Variants in RTTN observed in about 807,000 individuals in gnomAD.
RTTN encodes rotatin.
RTTN carries 182 observed loss-of-function variants against 269.2 expected under a neutral mutation model. The observed-to-expected ratio is 0.68, with a 90% CI of 0.60 to 0.76. The LOEUF is 0.76. Among genes scored for constraint, RTTN ranks in the 30% least tolerant of loss-of-function variants. The pLI is 0.00. For missense variants in RTTN, 2,545 were observed against 2,608.6 expected (o/e 0.98, Z 0.53); for synonymous variants, 1,006 against 963.5 (o/e 1.04, Z -0.82).
intron 23 of RTTN, 107 bp downstream of exon 23, chr18:70,134,365 TA>T (rs1461287214): frequency 1.2e-6 from 1 of 834,932 alleles, no homozygotes; most frequent in Non-Finnish European, 1.9e-6. Context: ...AAGCCCAAGT[TA>T]TGGGATTTAA....
At chr18:70,101,694 G>A (rs1376017593) in intron 28 of RTTN, among the ~76,000 whole-genome samples, 3 of 152,128 alleles carry the variant, frequency 2.0e-5, no homozygotes, top group Non-Finnish European at 4.4e-5. Flanking sequence ...GATCTTTCCT[G>A]CTTTCTCCTG....
At chr18:70,175,194 C>T (rs2061260788) in intron 11 of RTTN, among the ~76,000 whole-genome samples, 2 of 150,912 alleles carry the variant, frequency 1.3e-5, no homozygotes, top group Admixed American at 1.3e-4. Flanking sequence ...TTTAAATGAA[C>T]ATTTTATTTT....
At chr18:70,199,615 C>A in intron 4 of RTTN, 111 bp from the exon 5 acceptor site, 1 of 693,692 alleles carries the variant, frequency 1.4e-6, no homozygotes, top group Non-Finnish European at 2.5e-6. Context: ...AAGGCTGCAT[C>A]TTACAGTAAC....
intron 40 of RTTN, among the ~76,000 whole-genome samples, chr18:70,035,436 A>G (rs1295387067): frequency 6.6e-6 from 1 of 152,220 alleles, no homozygotes; most frequent in African/African-American, 2.4e-5. Flanking sequence ...CCTTAGACAA[A>G]CCTGACAAAA....
rs756365545 is a variant in RTTN, at chr18:70,188,212, C to G, written c.1201G>C (p.Val401Leu). 1.9e-6 allele frequency: 3 copies of G among 1,588,552 alleles called. No individual in the cohort carries two copies. The South Asian group carries it at 3.3e-5, about 18-fold the overall frequency. ...AGCAATTCCAGAACTCTTATTATCA[C>G]TTGTCTGCTACCTAGGAATACAAAC... is the stretch of plus-strand genomic sequence containing the variant. ...VPLLRTGSRQVIIRVLELLTE... is the reference protein window; with the variant it reads ...VPLLRTGSRQLIIRVLELLTE... The change falls in exon 10 of 49, where the codon GTG (valine) becomes CTG (leucine). Residue 401 changes from valine (V) to leucine (L), a missense_variant. By Grantham distance (32) the Val-to-Leu change is conservative (BLOSUM62 1). Coordinates refer to ENST00000640769, the MANE Select transcript of RTTN (RefSeq NM_173630.4).
chr18:70,051,444 C>T lies in RTTN; in HGVS notation c.5290G>A (p.Val1764Met), dbSNP rs202231574. Reference sequence around the variant, plus strand: ...GCTGTCCAGTGCTTGGCCAGGGCCACGGTAACAAACGGGAGTGTGATGGCA... The same window carrying T: ...GCTGTCCAGTGCTTGGCCAGGGCCATGGTAACAAACGGGAGTGTGATGGCA... ...AGAITLPFVT[V>M]ALAKHWTAAI... Residue 1764 changes from valine (V) to methionine (M), a missense_variant, in exon 39 of 49, where the codon GTG (valine) becomes ATG (methionine). By Grantham distance (21) the Val-to-Met change is conservative. Transcript: ENST00000640769. The T allele has an allele frequency of 2.7e-5, 44 of 1,613,692 alleles. No homozygotes were observed. The highest frequency in any genetic ancestry group is 3.5e-5 in the Non-Finnish European group (41 of 1,179,868).
chr18:70,092,552 A>G, intron 29 of RTTN, 124 bp downstream of exon 29: 1 of 1,021,688 alleles, frequency 9.8e-7, no homozygotes, highest in Non-Finnish European at 1.4e-6. Context: ...CATTCACGTT[A>G]CCTAAAAAGA....
At chr18:70,100,715 G>C (rs2059137019) in intron 28 of RTTN, among the ~76,000 whole-genome samples, 1 of 152,174 alleles carries the variant, frequency 6.6e-6, no homozygotes, top group Admixed American at 6.5e-5. Context: ...CTGTGGGTCT[G>C]TCATAAATAG....
chr18:70,063,469 G>A (rs1349513736), intron 35 of RTTN, among the ~76,000 whole-genome samples: 1 of 152,160 alleles, frequency 6.6e-6, no homozygotes, highest in Non-Finnish European at 1.5e-5. Flanking sequence ...GGGAAACTGA[G>A]ACAGGAGGAT....
chr18:70,061,242 T>C (rs1420774340), intron 35 of RTTN: 4 of 403,376 alleles, frequency 9.9e-6, no homozygotes, highest in African/African-American at 4.1e-5. Flanking sequence ...TTTTAGACTT[T>C]AGAACAGTAA....
At chr18:70,194,557 T>G (rs533501826) in intron 7 of RTTN, 1 of 152,374 alleles carries the variant, frequency 6.6e-6, no homozygotes, top group African/African-American at 2.4e-5. Flanking sequence ...ACAACCCACA[T>G]GTCCATCGAC....
intron 23 of RTTN, 117 bp downstream of exon 23, chr18:70,134,356 A>G (rs1481397942): frequency 9.1e-6 from 7 of 770,116 alleles, no homozygotes; most frequent in Non-Finnish European, 1.3e-5. Context: ...GAACCATGAA[A>G]GCCCAAGTTA....
intron 22 of RTTN, among the ~76,000 whole-genome samples, chr18:70,134,925 A>C (rs778068067): frequency 6.6e-5 from 10 of 151,972 alleles, no homozygotes; most frequent in Non-Finnish European, 1.3e-4. Flanking sequence ...ATGTACTAAA[A>C]ATGTATTAAA....
At chr18:70,050,149 G>A (rs543465479) in intron 39 of RTTN, among the ~76,000 whole-genome samples, 55 of 152,164 alleles carry the variant, frequency 3.6e-4, no homozygotes, top group African/African-American at 1.3e-3. Flanking sequence ...CTACACAATG[G>A]GAGAAAATTT....
At chr18:70,121,866 G>A (rs2059746501) in intron 25 of RTTN, among the ~76,000 whole-genome samples, 166 bp from the exon 26 acceptor site, 2 of 152,144 alleles carry the variant, frequency 1.3e-5, no homozygotes, top group African/African-American at 4.8e-5. Context: ...CTGGGTATCT[G>A]CCTTCAAGAA....
chr18:70,089,603 T>C (rs561029178), intron 30 of RTTN, among the ~76,000 whole-genome samples: 10 of 152,224 alleles, frequency 6.6e-5, no homozygotes, highest in African/African-American at 2.4e-4. Flanking sequence ...TAGAAGAGTT[T>C]TGAGGTGGAT....
chr18:70,051,654 G>T lies in RTTN; in HGVS notation c.5186-106C>A, dbSNP rs996600454. The T allele has an allele frequency of 5.6e-6, 4 of 715,198 alleles. No homozygotes were observed. In the Admixed American group the frequency reaches 1.1e-4, roughly 19 times the overall value. The allele number at this position is 715,198 out of a possible 1,614,324, so 44.3% of individuals were successfully genotyped here. A position where few individuals can be genotyped will look rare whatever the true frequency, so the allele number is the denominator to read the frequency against. Reference sequence around the variant, plus strand: ...CGCTTCATTACACTTAAAATGAGGGGTGTGCACTTATCAAATGAAGACAAA... The same window carrying T: ...CGCTTCATTACACTTAAAATGAGGGTTGTGCACTTATCAAATGAAGACAAA... On this transcript the variant is annotated intron_variant, in intron 38 of 48. Coordinates refer to ENST00000640769, the MANE Select transcript of RTTN (RefSeq NM_173630.4).
intron 34 of RTTN, among the ~76,000 whole-genome samples, chr18:70,067,468 A>T (rs960835988): frequency 1.3e-4 from 20 of 152,304 alleles, no homozygotes; most frequent in African/African-American, 4.3e-4. Context: ...AAGCTTGTTT[A>T]TTTTTAAAAA....
chr18:70,124,556 A>G (rs1053599548), intron 25 of RTTN, among the ~76,000 whole-genome samples: 5 of 152,156 alleles, frequency 3.3e-5, no homozygotes, highest in African/African-American at 1.2e-4. Context: ...TGTATAAAAC[A>G]GAAGTGTATG....
Sources: allele counts gnomAD v4.1 joint callset (sites outside exome capture counted in the v4.1 genomes callset), GRCh38; gene constraint gnomAD v4.1.1; transcripts MANE v1.5; gene names NCBI Gene and HGNC (gene_info 2026-07-23, HGNC 2026-07-21).